The following SCHIP1 variants were observed in gnomAD, a reference collection of about 807,000 sequenced individuals.
SCHIP1 encodes the protein schwannomin-interacting protein 1.
In SCHIP1, 8 loss-of-function variants were observed where a neutral mutation model predicts 29.7. That is an observed-to-expected ratio of 0.27 (90% CI 0.16 to 0.49). The LOEUF (loss-of-function observed/expected upper bound fraction) is 0.49. Among genes scored for constraint, SCHIP1 ranks in the 20% least tolerant of loss-of-function variants. The pLI is 0.99. For missense variants in SCHIP1, 193 were observed against 294.6 expected, an observed-to-expected ratio of 0.66 and a Z score of 2.52; for synonymous variants, 76 against 94.9, an observed-to-expected ratio of 0.80 and a Z score of 1.16.
chr3:159,827,365 C>T, the SCHIP1 span, among the ~76,000 whole-genome samples: 1 of 152,042 alleles, frequency 6.6e-6, no homozygotes, highest in Non-Finnish European at 1.5e-5. Context: ...ATTTAGGGAC[C>T]CTTGACAAAT....
chr3:159,655,446 A>AG, the SCHIP1 span, among the ~76,000 whole-genome samples: 4 of 152,148 alleles, frequency 2.6e-5, no homozygotes, highest in African/African-American at 9.7e-5. Context: ...AGAACTAACA[A>AG]GGGGCCAGGC....
chr3:159,769,592 A>T, the SCHIP1 span, among the ~76,000 whole-genome samples: 1 of 152,206 alleles, frequency 6.6e-6, no homozygotes, highest in Non-Finnish European at 1.5e-5. Context: ...TCTACTAAAA[A>T]TACAAAAATT....
chr3:159,316,026 A>T, the SCHIP1 span, among the ~76,000 whole-genome samples: 7 of 152,120 alleles, frequency 4.6e-5, no homozygotes, highest in African/African-American at 1.7e-4. Flanking sequence ...TGTCATCCAC[A>T]TCAGACCGTG....
the SCHIP1 span, among the ~76,000 whole-genome samples, chr3:159,641,789 A>T: frequency 6.6e-6 from 1 of 152,314 alleles, no homozygotes; most frequent in East Asian, 1.9e-4. Context: ...AACAAATGGT[A>T]GTCTCTAAGA....
the SCHIP1 span, among the ~76,000 whole-genome samples, chr3:159,449,925 AGAAAGAAAAG>A: frequency 6.6e-5 from 10 of 152,162 alleles, no homozygotes; most frequent in East Asian, 1.9e-3. Flanking sequence ...GAAAGAGAAG[AGAAAGAAAAG>A]GAAAGAAAAA....
chr3:159,696,418 G>A, the SCHIP1 span, among the ~76,000 whole-genome samples: 1 of 152,280 alleles, frequency 6.6e-6, no homozygotes, highest in East Asian at 1.9e-4. Flanking sequence ...TTTGCCATGT[G>A]TCACCCACTG....
chr3:159,347,722 C>T, the SCHIP1 span, among the ~76,000 whole-genome samples: 1 of 152,056 alleles, frequency 6.6e-6, no homozygotes, highest in Non-Finnish European at 1.5e-5. Flanking sequence ...TTATTTTTAA[C>T]CAAGCTTTGG....
At chr3:159,553,007 C>CA in the SCHIP1 span, among the ~76,000 whole-genome samples, 1 of 151,974 alleles carries the variant, frequency 6.6e-6, no homozygotes, top group East Asian at 1.9e-4. Flanking sequence ...TAGTTACTGT[C>CA]AAAAAGTGCC....
chr3:159,885,599 C>T (rs1217372141), intron 2 of SCHIP1, among the ~76,000 whole-genome samples: 1 of 152,188 alleles, frequency 6.6e-6, no homozygotes, highest in East Asian at 1.9e-4. Flanking sequence ...AAGGCTGCAC[C>T]TTACTGCCTG....
chr3:159,583,042 C>A, the SCHIP1 span, among the ~76,000 whole-genome samples: 2 of 151,964 alleles, frequency 1.3e-5, no homozygotes, highest in African/African-American at 2.4e-5. Context: ...GCTTTTGTAT[C>A]CTCCAGCAAC....
chr3:159,769,990 C>G, the SCHIP1 span, among the ~76,000 whole-genome samples: 61 of 152,304 alleles, frequency 4.0e-4, no homozygotes, highest in Non-Finnish European at 5.4e-4. Context: ...ACCAACTGAT[C>G]TGATTTCTAT....
chr3:159,305,142 C>A, the SCHIP1 span, among the ~76,000 whole-genome samples: 1 of 152,214 alleles, frequency 6.6e-6, no homozygotes, highest in South Asian at 2.1e-4. Flanking sequence ...CCAATGCTCA[C>A]CCTGGGCCAG....
chr3:159,329,539 A>C, the SCHIP1 span, among the ~76,000 whole-genome samples: 5 of 152,160 alleles, frequency 3.3e-5, no homozygotes, highest in Non-Finnish European at 7.4e-5. Flanking sequence ...ATGAGAGGGC[A>C]CAGTGGGATG....
At chr3:159,696,936 C>G in the SCHIP1 span, among the ~76,000 whole-genome samples, 1 of 152,206 alleles carries the variant, frequency 6.6e-6, no homozygotes, top group Non-Finnish European at 1.5e-5. Flanking sequence ...GGAGCAGTGA[C>G]AGCAGTGCTG....
the SCHIP1 span, among the ~76,000 whole-genome samples, chr3:159,408,736 C>T: frequency 3.3e-3 from 500 of 152,250 alleles, no homozygotes; most frequent in Middle Eastern, 0.01. Context: ...CAATCCTACT[C>T]GAACTCTCCC....
the SCHIP1 span, among the ~76,000 whole-genome samples, chr3:159,335,498 C>CCA: frequency 1.5e-4 from 23 of 152,262 alleles, no homozygotes; most frequent in African/African-American, 2.4e-4. Flanking sequence ...CCCACTCCCC[C>CCA]CCAGTCCACA....
At chr3:159,490,766 G>A in the SCHIP1 span, among the ~76,000 whole-genome samples, 1 of 152,282 alleles carries the variant, frequency 6.6e-6, no homozygotes, top group East Asian at 1.9e-4. Context: ...GTTGTCCTAG[G>A]GTGGAGTGAG....
At chr3:159,330,737 T>C in the SCHIP1 span, among the ~76,000 whole-genome samples, 1 of 152,178 alleles carries the variant, frequency 6.6e-6, no homozygotes, top group Non-Finnish European at 1.5e-5. Flanking sequence ...AACTATAAAA[T>C]AATTAGTCCA....
the SCHIP1 span, among the ~76,000 whole-genome samples, chr3:159,773,235 G>A: frequency 8.9e-3 from 1,356 of 152,294 alleles, 8 homozygotes; most frequent in Non-Finnish European, 0.014. Context: ...CTGTCACAGG[G>A]AGACTATTTT....
Sources: gnomAD v4.1 joint callset for allele counts (sites outside exome capture counted in the v4.1 genomes callset) on GRCh38, gnomAD v4.1.1 for gene constraint, MANE v1.5 for transcripts, NCBI Gene and HGNC (gene_info 2026-07-23, HGNC 2026-07-21) for gene names.